The following ZFAND3 variants were observed in gnomAD, a reference collection of about 807,000 sequenced individuals.
ZFAND3 encodes AN1-type zinc finger protein 3.
Under a neutral mutation model 29.6 loss-of-function variants are expected in ZFAND3, and 10 were observed. The ratio of observed to expected loss-of-function variants is 0.34; its 90% confidence interval spans 0.21 to 0.57. The LOEUF is 0.57. Ranked by LOEUF, ZFAND3 falls within the 20% of genes least tolerant of loss-of-function variation. The probability of loss-of-function intolerance (pLI) is 0.86; values close to 1 mark genes in which losing one functional copy is unlikely to be tolerated. For missense variants in ZFAND3, 230 were observed against 304.5 expected, an observed-to-expected ratio of 0.76 and a Z score of 1.82; for synonymous variants, 128 against 112.6, an observed-to-expected ratio of 1.14 and a Z score of -0.87.
chr6:37,844,217 C>A (rs528410175), intron 1 of ZFAND3, among the ~76,000 whole-genome samples: 1 of 152,152 alleles, frequency 6.6e-6, no homozygotes, highest in South Asian at 2.1e-4. Flanking sequence ...AGCCACTGCA[C>A]CTGGCCAAGA....
chr6:37,857,356 A>C (rs1438699309), intron 1 of ZFAND3, among the ~76,000 whole-genome samples: 1 of 152,220 alleles, frequency 6.6e-6, no homozygotes, highest in Non-Finnish European at 1.5e-5. Flanking sequence ...TTGGGGAGAC[A>C]AATGAAGCGA....
chr6:37,923,212 G>T (rs774968290), intron 1 of ZFAND3, among the ~76,000 whole-genome samples: 1 of 152,176 alleles, frequency 6.6e-6, no homozygotes, highest in Non-Finnish European at 1.5e-5. Flanking sequence ...TCAGCATCCT[G>T]AGTAGCTGGG....
intron 1 of ZFAND3, among the ~76,000 whole-genome samples, chr6:37,919,710 A>G (rs1380353261): frequency 1.3e-5 from 2 of 152,242 alleles, no homozygotes; most frequent in African/African-American, 4.8e-5. Context: ...GAAGATCTTC[A>G]GAGGCCTTCT....
chr6:37,931,554 AAC>A (rs1413427399), intron 2 of ZFAND3, among the ~76,000 whole-genome samples: 1 of 151,592 alleles, frequency 6.6e-6, no homozygotes, highest in Admixed American at 6.6e-5. Context: ...AAAAAAAAAA[AAC>A]AAAAAAAAAA....
chr6:37,918,951 C>CTTGTTTTTTTTTTTTTT (rs1761318785), intron 1 of ZFAND3, among the ~76,000 whole-genome samples: 6 of 104,738 alleles, frequency 5.7e-5, no homozygotes, highest in African/African-American at 2.4e-4. Flanking sequence ...TGAAAAATGC[C>CTTGTTTTTTTTTTTTTT]TTTTTTTTTT....
intron 5 of ZFAND3, among the ~76,000 whole-genome samples, chr6:38,126,710 T>C (rs1765641141): frequency 6.6e-6 from 1 of 152,132 alleles, no homozygotes; most frequent in South Asian, 2.1e-4. Context: ...TTATGAAGAG[T>C]CTGTTCACAC....
intron 1 of ZFAND3, among the ~76,000 whole-genome samples, chr6:37,890,351 T>G (rs749955266): frequency 1.9e-4 from 29 of 152,220 alleles, no homozygotes; most frequent in Non-Finnish European, 3.7e-4. Flanking sequence ...TGCTGATATT[T>G]GGACATTTGG....
At chr6:37,921,269 T>C (rs779633562) in intron 1 of ZFAND3, among the ~76,000 whole-genome samples, 1 of 152,186 alleles carries the variant, frequency 6.6e-6, no homozygotes, top group East Asian at 1.9e-4. Flanking sequence ...GAAGGAACTT[T>C]CTTTGTAGTC....
intron 1 of ZFAND3, among the ~76,000 whole-genome samples, chr6:37,835,034 A>G (rs1763941681): frequency 6.6e-6 from 1 of 152,182 alleles, no homozygotes; most frequent in Admixed American, 6.5e-5. Context: ...TTCTCTGATG[A>G]CTAACAAAAT....
intron 2 of ZFAND3, among the ~76,000 whole-genome samples, chr6:38,039,384 A>T (rs141883950): frequency 6.6e-6 from 1 of 152,088 alleles, no homozygotes; most frequent in Admixed American, 6.5e-5. Context: ...TCATGGAATG[A>T]CCTAATTGGC....
At chr6:37,845,729 C>G (rs894795177) in intron 1 of ZFAND3, among the ~76,000 whole-genome samples, 3 of 152,144 alleles carry the variant, frequency 2.0e-5, no homozygotes, top group Non-Finnish European at 2.9e-5. Flanking sequence ...ACTCAGCGTC[C>G]TTGGAACATA....
chr6:37,891,921 G>T (rs559841016), intron 1 of ZFAND3, among the ~76,000 whole-genome samples: 75 of 152,138 alleles, frequency 4.9e-4, no homozygotes, highest in Non-Finnish European at 8.2e-4. Flanking sequence ...TAGAGATGGG[G>T]TTTCACTGTG....
intron 2 of ZFAND3, among the ~76,000 whole-genome samples, chr6:37,972,146 T>C (rs1182661463): frequency 6.6e-6 from 1 of 152,180 alleles, no homozygotes; most frequent in Non-Finnish European, 1.5e-5. Flanking sequence ...TTAACTTGTT[T>C]GCAATTTATT....
At chr6:38,036,453 G>T (rs921181551) in intron 2 of ZFAND3, among the ~76,000 whole-genome samples, 1 of 152,186 alleles carries the variant, frequency 6.6e-6, no homozygotes, top group Non-Finnish European at 1.5e-5. Context: ...AAAATGTCCA[G>T]TTTTCAACAG....
chr6:37,875,693 A>T (rs977483228), intron 1 of ZFAND3, among the ~76,000 whole-genome samples: 1 of 149,490 alleles, frequency 6.7e-6, no homozygotes, highest in African/African-American at 2.5e-5. Context: ...TGGTCTTGCT[A>T]TGTTGCCCAG....
In ZFAND3 at chr6:38,153,790, A is replaced by G. The variant is rs1766287589; in HGVS notation, c.*1401A>G. 3.0e-6 allele frequency: 3 copies of G among 985,544 alleles called. No individual in the cohort carries two copies. Among genetic ancestry groups the G allele is most frequent in the Non-Finnish European group, 3.6e-6 (3 of 830,006 alleles). The allele number at this position is 985,544 out of a possible 1,614,324, so 61.0% of individuals were successfully genotyped here. On this transcript the variant is annotated 3_prime_UTR_variant, in exon 6 of 6. Coordinates refer to ENST00000287218, the MANE Select transcript of ZFAND3 (RefSeq NM_021943.3). ...AAGCCCAGGCAGGGTGAGCAGTCCC[A>G]GTGGTCCTAGTGCCGCATCAGATCC...
chr6:37,859,957 C>T (rs1355133555), intron 1 of ZFAND3, among the ~76,000 whole-genome samples: 15 of 150,536 alleles, frequency 1.0e-4, no homozygotes, highest in Non-Finnish European at 1.9e-4. Context: ...CTGCAACCAC[C>T]ACCTCCTGGG....
At position 38,119,178 on chromosome 6, in the gene ZFAND3, C is replaced by T. The variant is rs916893895; in HGVS notation, c.529+2439C>T. 5.9e-5 allele frequency among the ~76,000 whole-genome samples: 9 copies of T among 152,280 alleles called. 1 individual carries two copies. In the South Asian group the frequency reaches 1.5e-3, roughly 25 times the overall value. ...GATGAAGGACAACAATGGGAACATGCCATAAAAAAGTCTGGGACTGTTTTT... is the reference window on the plus strand; with the variant it reads ...GATGAAGGACAACAATGGGAACATGTCATAAAAAAGTCTGGGACTGTTTTT... On this transcript the variant is annotated intron_variant, in intron 5 of 5. Coordinates refer to ENST00000287218, the MANE Select transcript of ZFAND3 (RefSeq NM_021943.3).
At chr6:37,907,966 T>C (rs770919603) in intron 1 of ZFAND3, among the ~76,000 whole-genome samples, 2 of 152,202 alleles carry the variant, frequency 1.3e-5, no homozygotes, top group Non-Finnish European at 2.9e-5. Flanking sequence ...TTAAGAAAAT[T>C]AGCAGTAATC....
Sources: gnomAD v4.1 joint callset for allele counts (sites outside exome capture counted in the v4.1 genomes callset) on GRCh38, gnomAD v4.1.1 for gene constraint, MANE v1.5 for transcripts, NCBI Gene and HGNC (gene_info 2026-07-23, HGNC 2026-07-21) for gene names.